The following RALGAPA1 variants were observed in gnomAD, a reference collection of about 807,000 sequenced individuals.
The protein encoded by RALGAPA1 is ral GTPase-activating protein subunit alpha-1.
In RALGAPA1, 52 loss-of-function variants were observed where a neutral mutation model predicts 269.6. The observed-to-expected ratio is 0.19, with a 90% CI of 0.15 to 0.24. The LOEUF is 0.24. RALGAPA1 is among the 10% of genes least tolerant of loss of function. The pLI is 1.00. For missense variants in RALGAPA1, 1,917 were observed against 3,013.9 expected (o/e 0.64, Z 8.52); for synonymous variants, 817 against 1,008.3 (o/e 0.81, Z 3.60).
chr14:35,575,370 G>T (rs1297271259), intron 37 of RALGAPA1, among the ~76,000 whole-genome samples: 1 of 152,154 alleles, frequency 6.6e-6, no homozygotes, highest in Non-Finnish European at 1.5e-5. Flanking sequence ...GGCTACAGAT[G>T]ACTATTATTA....
intron 16 of RALGAPA1, chr14:35,715,873 A>G: frequency 1.0e-6 from 1 of 985,230 alleles, no homozygotes; most frequent in Non-Finnish European, 1.2e-6. Flanking sequence ...ACTGCTCATC[A>G]CTCCATTTTC....
intron 26 of RALGAPA1, among the ~76,000 whole-genome samples, chr14:35,667,508 C>A (rs1225685750): frequency 6.6e-6 from 1 of 152,194 alleles, no homozygotes; most frequent in East Asian, 1.9e-4. Flanking sequence ...GCTTCTCAAT[C>A]TTTAATGATT....
chr14:35,702,110 A>C (rs1248684970), intron 16 of RALGAPA1, among the ~76,000 whole-genome samples: 1 of 152,214 alleles, frequency 6.6e-6, no homozygotes, highest in Non-Finnish European at 1.5e-5. Context: ...CAAGAACCAT[A>C]TCCCCTGATC....
In RALGAPA1 at chr14:35,627,309, G is replaced by A. The variant is rs2061054683; in HGVS notation, c.6638C>T (p.Ala2213Val). 1 of 1,610,024 alleles carries A rather than the reference G, an allele frequency of 6.2e-7. No homozygotes were observed. Among genetic ancestry groups the A allele is most frequent in the East Asian group, 2.2e-5 (1 of 44,856 alleles). The change falls in exon 34 of 42, where the codon GCT becomes GTT. Residue 2213 changes from alanine to valine, a missense_variant. By Grantham distance (64) the Ala-to-Val change is moderately conservative. This residue lies in a region of RALGAPA1 where 132 missense variants were observed against 271.2 expected (regional missense o/e 0.49). Coordinates refer to ENST00000680220, the MANE Select transcript of RALGAPA1 (RefSeq NM_001346249.2). ...TTCAGAAATGCACACAGGTTGTGGA[G>A]CAGGAATATTAAGTGAGATTCCAGT... ...QRTGISLNIP[A>V]PQPVCISEKQ...
chr14:35,746,394 T>A (rs151194580), intron 10 of RALGAPA1, among the ~76,000 whole-genome samples: 3 of 152,156 alleles, frequency 2.0e-5, no homozygotes, highest in African/African-American at 7.2e-5. Flanking sequence ...GATTTTATCA[T>A]AAGTGTTCTT....
chr14:35,708,262 T>C (rs2067982371), intron 16 of RALGAPA1, among the ~76,000 whole-genome samples: 1 of 152,040 alleles, frequency 6.6e-6, no homozygotes, highest in Non-Finnish European at 1.5e-5. Context: ...TGAGATGACA[T>C]CATGTTAAAA....
At chr14:35,670,779 T>C (rs1489253666) in intron 26 of RALGAPA1, among the ~76,000 whole-genome samples, 1 of 152,058 alleles carries the variant, frequency 6.6e-6, no homozygotes, top group Non-Finnish European at 1.5e-5. Flanking sequence ...AAAAATTAGC[T>C]GGGTGTGGTG....
chr14:35,663,184 A>T (rs940543669), intron 27 of RALGAPA1, among the ~76,000 whole-genome samples: 5 of 152,166 alleles, frequency 3.3e-5, no homozygotes, highest in Admixed American at 3.3e-4. Flanking sequence ...GAGCCACCAT[A>T]CCTGGCCTAA....
At chr14:35,730,058 T>C (rs571797704) in intron 12 of RALGAPA1, among the ~76,000 whole-genome samples, 1 of 152,198 alleles carries the variant, frequency 6.6e-6, no homozygotes, top group South Asian at 2.1e-4. Context: ...CCAAATGCTG[T>C]GAGTGCCCAA....
intron 37 of RALGAPA1, among the ~76,000 whole-genome samples, chr14:35,586,851 A>G (rs2058329046): frequency 6.6e-6 from 1 of 152,064 alleles, no homozygotes; most frequent in East Asian, 1.9e-4. Context: ...GTGCTGCTGG[A>G]TTTGGTTTGC....
At chr14:35,751,449 T>C (rs10483459) in intron 8 of RALGAPA1, among the ~76,000 whole-genome samples, 6,164 of 152,206 alleles carry the variant, frequency 0.04, 358 homozygotes, top group African/African-American at 0.12. Flanking sequence ...GGGCTAACTT[T>C]TATAATTGAT....
At chr14:35,635,646 G>T (rs567738883) in intron 31 of RALGAPA1, 48 bp from the exon 32 acceptor site, 16 of 1,425,128 alleles carry the variant, frequency 1.1e-5, no homozygotes, top group Non-Finnish European at 1.4e-5. Flanking sequence ...TAAAATATAT[G>T]CTTCTTAAAA....
intron 24 of RALGAPA1, among the ~76,000 whole-genome samples, chr14:35,673,614 C>G (rs564269150): frequency 6.6e-6 from 1 of 152,170 alleles, no homozygotes; most frequent in African/African-American, 2.4e-5. Flanking sequence ...GAGTTTCGCT[C>G]TCATCACACA....
chr14:35,807,283 C>T (rs572587254), intron 1 of RALGAPA1, among the ~76,000 whole-genome samples: 2 of 152,214 alleles, frequency 1.3e-5, no homozygotes, highest in South Asian at 2.1e-4. Flanking sequence ...GTCCTATTCT[C>T]GGCTAAATCT....
intron 12 of RALGAPA1, 32 bp from the exon 13 acceptor site, chr14:35,728,542 A>G: frequency 6.5e-7 from 1 of 1,546,060 alleles, no homozygotes; most frequent in South Asian, 1.3e-5. Context: ...GCTATTCACA[A>G]AGGAATTTCA....
intron 35 of RALGAPA1, among the ~76,000 whole-genome samples, chr14:35,611,039 A>G (rs1237864916): frequency 6.6e-6 from 1 of 152,216 alleles, no homozygotes; most frequent in Non-Finnish European, 1.5e-5. Context: ...TTAAGATGAT[A>G]GCATCCCCCA....
At chr14:35,767,080 T>A (rs2074219894) in intron 4 of RALGAPA1, 1 of 319,056 alleles carries the variant, frequency 3.1e-6, no homozygotes, top group Admixed American at 4.8e-5. Context: ...TCCTTGAAAA[T>A]GAAAAGTTAG....
At chr14:35,790,430 G>A (rs1314475759) in intron 1 of RALGAPA1, among the ~76,000 whole-genome samples, 3 of 152,030 alleles carry the variant, frequency 2.0e-5, no homozygotes, top group Non-Finnish European at 4.4e-5. Flanking sequence ...GCTCAGGCCT[G>A]TAATCCCAGC....
chr14:35,560,135 G>T (rs1400599890), intron 39 of RALGAPA1, among the ~76,000 whole-genome samples: 1 of 152,184 alleles, frequency 6.6e-6, no homozygotes, highest in Non-Finnish European at 1.5e-5. Context: ...AGCTGTAATT[G>T]TTTCGCTAGT....
Sources: allele counts gnomAD v4.1 joint callset (sites outside exome capture counted in the v4.1 genomes callset), GRCh38; gene constraint gnomAD v4.1.1; regional missense constraint gnomAD v4.1.1; transcripts MANE v1.5; gene names NCBI Gene and HGNC (gene_info 2026-07-23, HGNC 2026-07-21).